The following NRXN1 variants were observed in gnomAD, a reference collection of about 807,000 sequenced individuals.
The protein encoded by NRXN1 is neurexin-1.
NRXN1 carries 39 observed loss-of-function variants against 150.9 expected under a neutral mutation model. That is an observed-to-expected ratio of 0.26 (90% confidence interval 0.20 to 0.34). The LOEUF (loss-of-function observed/expected upper bound fraction) is 0.34, where lower values mean the gene tolerates loss of function less well. Ranked by LOEUF, NRXN1 falls within the 10% of genes least tolerant of loss-of-function variation. The pLI is 1.00. For missense variants in NRXN1, 1,815 were observed against 1,949.9 expected (o/e 0.93, Z 1.30); for synonymous variants, 924 against 757.0 (o/e 1.22, Z -3.62).
At chr2:50,974,067 T>A (rs1257695271) in intron 2 of NRXN1, among the ~76,000 whole-genome samples, 1 of 152,152 alleles carries the variant, frequency 6.6e-6, no homozygotes, top group Non-Finnish European at 1.5e-5. Flanking sequence ...TGCGTTCTAC[T>A]CTAAGTGATC....
At chr2:50,655,663 C>T (rs1023261265) in intron 5 of NRXN1, among the ~76,000 whole-genome samples, 1 of 149,168 alleles carries the variant, frequency 6.7e-6, no homozygotes, top group African/African-American at 2.5e-5. Flanking sequence ...TTTTATTTTT[C>T]TTTTGGGGGG....
At chr2:50,497,808 G>C (rs2091726203) in intron 13 of NRXN1, 94 bp from the exon 14 acceptor site, 2 of 1,189,934 alleles carry the variant, frequency 1.7e-6, no homozygotes, top group Admixed American at 2.3e-5. Context: ...AAAATACAAG[G>C]AGCCAAATCC....
intron 17 of NRXN1, among the ~76,000 whole-genome samples, chr2:50,350,871 A>C (rs1218074340): frequency 6.6e-6 from 1 of 152,162 alleles, no homozygotes; most frequent in Non-Finnish European, 1.5e-5. Context: ...CCTCAAAAGA[A>C]GAAATTGTAG....
intron 21 of NRXN1, among the ~76,000 whole-genome samples, chr2:49,951,204 T>C (rs1219061520): frequency 6.6e-6 from 1 of 151,872 alleles, no homozygotes; most frequent in African/African-American, 2.4e-5. Context: ...TTAATTAAGT[T>C]ATGGGGAAAA....
intron 8 of NRXN1, among the ~76,000 whole-genome samples, chr2:50,561,477 G>T (rs1446727792): frequency 6.6e-6 from 1 of 152,018 alleles, no homozygotes; most frequent in Non-Finnish European, 1.5e-5. Flanking sequence ...TAAAAGGCTA[G>T]AAGGCTATCC....
intron 18 of NRXN1, among the ~76,000 whole-genome samples, chr2:50,206,598 C>T (rs1253928323): frequency 6.6e-6 from 1 of 151,884 alleles, no homozygotes; most frequent in African/African-American, 2.4e-5. Flanking sequence ...CTCGGGACAG[C>T]ACATTAAAAA....
At chr2:50,971,621 T>A (rs1179940465) in intron 2 of NRXN1, among the ~76,000 whole-genome samples, 1 of 151,810 alleles carries the variant, frequency 6.6e-6, no homozygotes, top group Non-Finnish European at 1.5e-5. Flanking sequence ...TAAAATAAAT[T>A]TTAAAAATAA....
chr2:50,345,410 G>C (rs952044341), intron 17 of NRXN1, among the ~76,000 whole-genome samples: 1 of 152,210 alleles, frequency 6.6e-6, no homozygotes, highest in Non-Finnish European at 1.5e-5. Flanking sequence ...GCTCAGGGCA[G>C]AGCAAACTCA....
At chr2:50,219,986 TATATATAATATATATTATATA>T (rs1559116241) in intron 18 of NRXN1, among the ~76,000 whole-genome samples, 2 of 25,534 alleles carry the variant, frequency 7.8e-5, no homozygotes, top group East Asian at 1.1e-3. Flanking sequence ...ATATATATAT[TATATATAATATATATTATATA>T]ATATATTATA....
At chr2:50,926,034 T>G in intron 2 of NRXN1, 79 bp from the exon 3 acceptor site, 1 of 1,137,048 alleles carries the variant, frequency 8.8e-7, no homozygotes. Context: ...TGCCTTTGCA[T>G]GTCTTCCTCA....
intron 18 of NRXN1, chr2:50,199,147 G>A (rs1344628586): frequency 2.6e-5 from 4 of 152,074 alleles, no homozygotes; most frequent in Non-Finnish European, 5.9e-5. Flanking sequence ...ATTTTGAAAG[G>A]ACAATTTTAT....
At chr2:50,408,755 A>C (rs2082930221) in intron 17 of NRXN1, among the ~76,000 whole-genome samples, 2 of 151,986 alleles carry the variant, frequency 1.3e-5, no homozygotes, top group Admixed American at 1.3e-4. Flanking sequence ...CCCTATTGCC[A>C]CAGCTGAAGA....
At chr2:50,329,611 GTGTGTGTATATATATATATATATA>G (rs2076639497) in intron 17 of NRXN1, among the ~76,000 whole-genome samples, 2 of 22,498 alleles carry the variant, frequency 8.9e-5, no homozygotes, top group African/African-American at 4.0e-4. Context: ...GTGTGTGTGT[GTGTGTGTATATATATATATATATA>G]TATATATATA....
intron 15 of NRXN1, among the ~76,000 whole-genome samples, chr2:50,473,025 T>C (rs1170945890): frequency 6.6e-6 from 1 of 151,954 alleles, no homozygotes; most frequent in Non-Finnish European, 1.5e-5. Flanking sequence ...GAGATCTCTG[T>C]GTCTTCCATT....
At chr2:50,434,122 G>T (rs368843428) in intron 17 of NRXN1, among the ~76,000 whole-genome samples, 1 of 137,484 alleles carries the variant, frequency 7.3e-6, no homozygotes, top group Non-Finnish European at 1.5e-5. Flanking sequence ...AATGGCTGGC[G>T]CATCTCCGCT....
intron 5 of NRXN1, among the ~76,000 whole-genome samples, chr2:50,650,680 A>G (rs1183109512): frequency 6.6e-6 from 1 of 152,004 alleles, no homozygotes; most frequent in Non-Finnish European, 1.5e-5. Flanking sequence ...TTTGTACTTC[A>G]CTGTAATTCG....
At chr2:50,504,386 G>C (rs1410654739) in intron 13 of NRXN1, among the ~76,000 whole-genome samples, 2 of 152,214 alleles carry the variant, frequency 1.3e-5, no homozygotes, top group East Asian at 3.9e-4. Flanking sequence ...GGGACACTGT[G>C]TATGTAACTT....
At chr2:49,974,102 G>C (rs758854808) in intron 21 of NRXN1, 2 of 716,602 alleles carry the variant, frequency 2.8e-6, no homozygotes, top group Admixed American at 4.0e-5. Flanking sequence ...GGTGACAGGA[G>C]AGCTCCCTGA....
intron 21 of NRXN1, among the ~76,000 whole-genome samples, chr2:50,045,999 A>T (rs568545084): frequency 3.9e-5 from 6 of 152,320 alleles, no homozygotes; most frequent in African/African-American, 1.4e-4. Flanking sequence ...CTTAATCAAA[A>T]TATGTTATCC....
Sources: allele counts gnomAD v4.1 joint callset (sites outside exome capture counted in the v4.1 genomes callset), GRCh38; gene constraint gnomAD v4.1.1; transcripts MANE v1.5; gene names NCBI Gene and HGNC (gene_info 2026-07-23, HGNC 2026-07-21).